The following DISC1 variants were observed in gnomAD, a reference collection of about 807,000 sequenced individuals.
DISC1 encodes the protein disrupted in schizophrenia 1 protein.
Under a neutral mutation model 84.5 loss-of-function variants are expected in DISC1, and 57 were observed. The observed-to-expected ratio is 0.67, with a 90% CI of 0.55 to 0.84. The LOEUF is 0.84. DISC1 is among the 40% of genes least tolerant of loss of function. The pLI, the probability that DISC1 is intolerant of heterozygous loss-of-function variation, is 0.00. For synonymous variants in DISC1, 411 were observed against 415.2 expected (o/e 0.99, Z 0.12); for missense variants, 1,000 against 1,057.8 (o/e 0.95, Z 0.76).
chr1:231,952,715 GTA>G (rs1253325162), intron 9 of DISC1, among the ~76,000 whole-genome samples: 18 of 107,568 alleles, frequency 1.7e-4, no homozygotes, highest in African/African-American at 6.6e-4. Flanking sequence ...ATATATATAT[GTA>G]TATATATATA....
chr1:231,945,521 A>G (rs542292410), intron 9 of DISC1, among the ~76,000 whole-genome samples: 2 of 152,354 alleles, frequency 1.3e-5, no homozygotes, highest in East Asian at 3.9e-4. Context: ...GAGAGATCTA[A>G]AATTGACACC....
chr1:232,035,812 A>G (rs911421406), intron 12 of DISC1, among the ~76,000 whole-genome samples: 13 of 152,214 alleles, frequency 8.5e-5, no homozygotes, highest in African/African-American at 2.4e-4. Context: ...TGGATGACGT[A>G]TGGACAGAAA....
chr1:231,968,570 C>CA (rs1164824429), intron 10 of DISC1, among the ~76,000 whole-genome samples: 11 of 139,970 alleles, frequency 7.9e-5, no homozygotes, highest in African/African-American at 3.0e-4. Flanking sequence ...CCAGCCTGGG[C>CA]GACAGAGCGA....
intron 10 of DISC1, among the ~76,000 whole-genome samples, chr1:231,978,662 A>G (rs1286669711): frequency 1.3e-5 from 2 of 152,188 alleles, no homozygotes; most frequent in East Asian, 1.9e-4. Context: ...AAATTGCCCC[A>G]TCTTTAGCCA....
intron 11 of DISC1, among the ~76,000 whole-genome samples, chr1:232,022,835 C>T (rs78071873): frequency 0.037 from 5,657 of 152,302 alleles, 111 homozygotes; most frequent in East Asian, 0.053. Flanking sequence ...TCAGTATCCT[C>T]TCAGTTCAGA....
intron 6 of DISC1, among the ~76,000 whole-genome samples, chr1:231,785,309 T>C (rs1222661452): frequency 6.6e-6 from 1 of 150,914 alleles, no homozygotes; most frequent in Non-Finnish European, 1.5e-5. Context: ...AGACAAAGTC[T>C]TGCTTTGTCA....
In DISC1 at chr1:231,806,464, T is replaced by C. The variant is rs78606001; in HGVS notation, c.1792+6254T>C. On this transcript the variant is annotated intron_variant, in intron 8 of 12. Coordinates refer to ENST00000439617, the MANE Select transcript of DISC1 (RefSeq NM_018662.3). ...TCAAAAGCCTGGGAGACCTGCTGGC[T>C]TCTCTCCCAGAGCTGGGCCACATAT... 9.5e-4 allele frequency among the ~76,000 whole-genome samples: 144 copies of C among 152,292 alleles called. No homozygotes were observed. The East Asian group carries it at 0.01, about 11-fold the overall frequency.
At chr1:231,706,411 C>A (rs910811935) in intron 3 of DISC1, among the ~76,000 whole-genome samples, 1 of 152,158 alleles carries the variant, frequency 6.6e-6, no homozygotes. Flanking sequence ...GGTTACTGTT[C>A]TAGTTGTTCC....
At chr1:231,944,506 T>G (rs2091507526) in intron 9 of DISC1, among the ~76,000 whole-genome samples, 1 of 152,194 alleles carries the variant, frequency 6.6e-6, no homozygotes, top group Admixed American at 6.5e-5. Context: ...CAGATATGCT[T>G]TGCAGCTCCG....
intron 1 of DISC1, among the ~76,000 whole-genome samples, chr1:231,659,583 A>G (rs2061411834): frequency 6.6e-6 from 1 of 151,982 alleles, no homozygotes. Context: ...TGTTAACTTG[A>G]GATCTTTCTA....
chr1:231,744,926 A>T (rs1309670758), intron 3 of DISC1, among the ~76,000 whole-genome samples: 1 of 152,206 alleles, frequency 6.6e-6, no homozygotes, highest in Non-Finnish European at 1.5e-5. Context: ...AAAAGAAATG[A>T]AAATCAATAG....
chr1:231,748,405 C>G (rs2074243904), intron 3 of DISC1, among the ~76,000 whole-genome samples: 1 of 152,200 alleles, frequency 6.6e-6, no homozygotes, highest in Middle Eastern at 3.4e-3. Flanking sequence ...CATTGAGGTA[C>G]TTTCCTTCTA....
rs1572648703 is a variant in DISC1 at position 232,017,706 on chromosome 1, A to G, written c.2307+8657A>G. On this transcript the variant is annotated intron_variant, in intron 11 of 12. Coordinates refer to ENST00000439617, the MANE Select transcript of DISC1 (RefSeq NM_018662.3). ...CAGGTACTAACCCCTCCCCTGCACC[A>G]CTGATCCCTAGCAAGGGTGGAAGTA... Among the ~76,000 whole-genome samples the G allele has an allele frequency of 2.0e-5, 3 of 152,096 alleles. 1 individual carries two copies. Among genetic ancestry groups the G allele is most frequent in the East Asian group, 3.8e-4 (2 of 5,198 alleles).
chr1:232,034,151 T>C (rs776668244), intron 12 of DISC1, among the ~76,000 whole-genome samples: 2 of 152,182 alleles, frequency 1.3e-5, no homozygotes, highest in African/African-American at 4.8e-5. Context: ...TTTTGATGAT[T>C]ATTACCCCTA....
intron 9 of DISC1, among the ~76,000 whole-genome samples, chr1:231,926,797 A>G (rs2090383305): frequency 6.6e-6 from 1 of 152,230 alleles, no homozygotes; most frequent in African/African-American, 2.4e-5. Context: ...TCTAAGGACT[A>G]AAAGCTTAGG....
Position 231,952,570 on chromosome 1 carries a change from T to C in DISC1, c.1982-6258T>C, listed in dbSNP as rs60727856. Among the ~76,000 whole-genome samples, 1,240 of 151,614 alleles carry C rather than the reference T, an allele frequency of 8.2e-3. 21 individuals carry two copies. The highest frequency in any genetic ancestry group is 0.028 in the African/African-American group (1,174 of 41,212). ...AAAATCTTTTAGTAAAATCACACAATTAACCTCTCACTGGGGAGAAAGAGC... is the reference window on the plus strand; with the variant it reads ...AAAATCTTTTAGTAAAATCACACAACTAACCTCTCACTGGGGAGAAAGAGC... On this transcript the variant is annotated intron_variant, in intron 9 of 12. Coordinates refer to ENST00000439617, the MANE Select transcript of DISC1 (RefSeq NM_018662.3).
intron 1 of DISC1, among the ~76,000 whole-genome samples, chr1:231,692,421 G>T (rs201384650): frequency 3.3e-5 from 5 of 152,218 alleles, no homozygotes; most frequent in Non-Finnish European, 7.3e-5. Flanking sequence ...GAAATAGGGG[G>T]CTAGAGGTCA....
intron 4 of DISC1, among the ~76,000 whole-genome samples, chr1:231,757,957 T>G (rs1039170572): frequency 1.3e-5 from 2 of 151,010 alleles, no homozygotes; most frequent in Admixed American, 1.3e-4. Flanking sequence ...AACAGGTTTA[T>G]CAGGCCTGTC....
chr1:231,747,288 T>C (rs1040340679), intron 3 of DISC1, among the ~76,000 whole-genome samples: 1 of 152,200 alleles, frequency 6.6e-6, no homozygotes, highest in Non-Finnish European at 1.5e-5. Context: ...ATCTCACTTG[T>C]TTAGTTTTGC....
Sources: gnomAD v4.1 joint callset for allele counts (sites outside exome capture counted in the v4.1 genomes callset) on GRCh38, gnomAD v4.1.1 for gene constraint, MANE v1.5 for transcripts, NCBI Gene and HGNC (gene_info 2026-07-23, HGNC 2026-07-21) for gene names.